The following PIK3C3 variants were observed in gnomAD, a reference collection of about 807,000 sequenced individuals.
PIK3C3 encodes the protein phosphatidylinositol 3-kinase catalytic subunit type 3, also known as PI3-kinase type 3.
PIK3C3 carries 95 observed loss-of-function variants against 126.1 expected under a neutral mutation model. The ratio of observed to expected loss-of-function variants is 0.75; its 90% CI spans 0.64 to 0.89. The LOEUF (loss-of-function observed/expected upper bound fraction) is 0.89. PIK3C3 is among the 40% of genes least tolerant of loss of function. PIK3C3 has a pLI of 0.00. For missense variants in PIK3C3, 829 were observed against 1,063.2 expected (o/e 0.78, Z 3.06); for synonymous variants, 374 against 360.0 (o/e 1.04, Z -0.44).
chr18:42,038,894 G>A (rs1361829410), intron 18 of PIK3C3, 44 bp downstream of exon 18: 1 of 1,240,626 alleles, frequency 8.1e-7, no homozygotes, highest in Non-Finnish European at 1.1e-6. Context: ...AGTGTACATT[G>A]TGTGTACTTT....
At chr18:42,012,474 G>A (rs1022394392) in intron 10 of PIK3C3, among the ~76,000 whole-genome samples, 1 of 152,104 alleles carries the variant, frequency 6.6e-6, no homozygotes, top group Admixed American at 6.6e-5. Flanking sequence ...AGTTTCAAGT[G>A]TCTAACAGGG....
intron 5 of PIK3C3, among the ~76,000 whole-genome samples, chr18:41,988,937 G>C (rs1981635021): frequency 6.6e-6 from 1 of 152,008 alleles, no homozygotes; most frequent in African/African-American, 2.4e-5. Context: ...GTTAGAGTTT[G>C]CCCAGCCTTT....
chr18:42,064,729 CTCT>C lies in PIK3C3; in HGVS notation c.2433-6_2433-4del. On this transcript the variant is annotated splice_polypyrimidine_tract_variant and splice_region_variant and intron_variant, in intron 22 of 24. Transcript: ENST00000262039. The stretch of plus-strand genomic sequence containing the variant: ...ATCGTTGCTATTTTTTTCTTTTCTG[CTCT>C]TCTTTAGGTATTCTAATCTGATTTT... 6 of 1,406,948 alleles carry C rather than the reference CTCT, an allele frequency of 4.3e-6. No homozygotes were observed. Among genetic ancestry groups the C allele is most frequent in the Non-Finnish European group, 6.0e-6 (6 of 997,944 alleles). The allele number at this position is 1,406,948 out of a possible 1,614,324, so 87.2% of individuals were successfully genotyped here.
At chr18:42,024,756 G>A (rs1983479686) in intron 13 of PIK3C3, among the ~76,000 whole-genome samples, 1 of 151,410 alleles carries the variant, frequency 6.6e-6, no homozygotes, top group Non-Finnish European at 1.5e-5. Context: ...TTTTTGAGAG[G>A]TGTTTGATAC....
chr18:41,993,230 TA>T, intron 6 of PIK3C3, 39 bp from the exon 7 acceptor site: 1 of 1,258,532 alleles, frequency 7.9e-7, no homozygotes, highest in Non-Finnish European at 1.2e-6. Context: ...CCTATTGTAT[TA>T]AATTTCTTTT....
intron 10 of PIK3C3, among the ~76,000 whole-genome samples, chr18:42,007,210 T>C (rs890807186): frequency 1.3e-5 from 2 of 152,202 alleles, no homozygotes; most frequent in Admixed American, 1.3e-4. Flanking sequence ...GTTATAATTA[T>C]TGAGCCAAAA....
intron 13 of PIK3C3, chr18:42,027,137 T>C (rs896890098): frequency 5.6e-6 from 1 of 177,162 alleles, no homozygotes; most frequent in African/African-American, 2.4e-5. Context: ...AGATGATTTC[T>C]GAGGATGTTA....
rs1023514351 is a variant in PIK3C3, at chr18:42,005,870, AT to A, written c.1170+1332del. ...ATTCATCTGTCTTCAGCAGTTGCCA[AT>A]TTATAACCAATCTTGTTTCATCTGT... On this transcript the variant is annotated intron_variant, in intron 10 of 24. Transcript: ENST00000262039. 5.3e-5 allele frequency among the ~76,000 whole-genome samples: 8 copies of A among 151,080 alleles called. 1 individual carries two copies. The highest frequency in any genetic ancestry group is 9.7e-5 in the African/African-American group (4 of 41,398).
intron 7 of PIK3C3, 83 bp downstream of exon 7, chr18:41,993,424 C>A: frequency 1.2e-6 from 1 of 854,018 alleles, no homozygotes; most frequent in Non-Finnish European, 1.9e-6. Flanking sequence ...TTTCTTTAAA[C>A]AAAGTAATAT....
intron 14 of PIK3C3, 110 bp downstream of exon 14, chr18:42,027,658 T>C: frequency 2.3e-6 from 1 of 438,358 alleles, no homozygotes; most frequent in Non-Finnish European, 4.0e-6. Flanking sequence ...TATTTATTTT[T>C]ATTTTTATTT....
intron 22 of PIK3C3, 60 bp downstream of exon 22, chr18:42,058,111 G>A (rs1985155501): frequency 7.0e-7 from 1 of 1,420,754 alleles, no homozygotes; most frequent in Non-Finnish European, 9.4e-7. Flanking sequence ...TATAGAACAA[G>A]AGAATTTGTT....
chr18:42,074,308 A>AT (rs1985891825), intron 24 of PIK3C3, among the ~76,000 whole-genome samples: 1 of 149,384 alleles, frequency 6.7e-6, no homozygotes, highest in East Asian at 2.0e-4. Flanking sequence ...AAGGAGAACT[A>AT]TCACACACAG....
chr18:41,961,278 G>A (rs1215887144), intron 2 of PIK3C3, among the ~76,000 whole-genome samples: 1 of 152,144 alleles, frequency 6.6e-6, no homozygotes, highest in African/African-American at 2.4e-5. Flanking sequence ...ACTTTAGCCA[G>A]TGTTAATTAA....
chr18:42,071,674 C>T (rs956027790), intron 24 of PIK3C3, among the ~76,000 whole-genome samples: 20 of 150,920 alleles, frequency 1.3e-4, no homozygotes, highest in Admixed American at 3.3e-4. Flanking sequence ...GAGCCAAGAT[C>T]ACTCCACTGC....
intron 18 of PIK3C3, among the ~76,000 whole-genome samples, chr18:42,040,019 A>G (rs1184429016): frequency 2.6e-5 from 4 of 152,064 alleles, no homozygotes; most frequent in Non-Finnish European, 4.4e-5. Flanking sequence ...CCAGATCATG[A>G]TAGTTTATGA....
chr18:42,006,987 C>A (rs1982579819), intron 10 of PIK3C3, among the ~76,000 whole-genome samples: 1 of 151,840 alleles, frequency 6.6e-6, no homozygotes, highest in South Asian at 2.1e-4. Flanking sequence ...CCTCAGCCTC[C>A]CAAGTAGCTG....
intron 18 of PIK3C3, among the ~76,000 whole-genome samples, chr18:42,039,881 C>A (rs949894762): frequency 6.6e-6 from 1 of 152,062 alleles, no homozygotes; most frequent in Non-Finnish European, 1.5e-5. Flanking sequence ...CAATAAATAC[C>A]TGTTAAGTGA....
rs151170036 is a variant in PIK3C3, at chr18:42,077,982, G to A, written c.2650-3141G>A. Reference sequence around the variant, plus strand: ...GGCATTAAAACAACATTAATCTTTTGGTATATTCCATCAGAGCTCTTGGAT... The same window carrying A: ...GGCATTAAAACAACATTAATCTTTTAGTATATTCCATCAGAGCTCTTGGAT... On this transcript the variant is annotated intron_variant, in intron 24 of 24. Transcript: ENST00000262039. Among the ~76,000 whole-genome samples, 1,458 of 152,174 alleles carry A rather than the reference G, an allele frequency of 9.6e-3. 16 individuals carry two copies. The highest frequency in any genetic ancestry group is 0.033 in the African/African-American group (1,387 of 41,530).
At position 41,987,859 on chromosome 18, in the gene PIK3C3, G is replaced by A; in HGVS notation, c.579G>A (p.Leu193=). The A allele has an allele frequency of 6.2e-7, 1 of 1,604,428 alleles. No homozygotes were observed. Among genetic ancestry groups the A allele is most frequent in the Non-Finnish European group, 8.5e-7 (1 of 1,174,248 alleles). ...GACACATGGTGAAAGTAGATTGGCT[G>A]GATAGATTGACATTTAGAGAAATAG... ...RQGHMVKVDW[L]DRLTFREIEM... Residue 193 remains leucine (L), a synonymous_variant, in exon 5 of 25, where the codon CTG becomes CTA. Coordinates refer to ENST00000262039, the MANE Select transcript of PIK3C3 (RefSeq NM_002647.4).
Sources: gnomAD v4.1 joint callset for allele counts (sites outside exome capture counted in the v4.1 genomes callset) on GRCh38, gnomAD v4.1.1 for gene constraint, MANE v1.5 for transcripts, NCBI Gene and HGNC (gene_info 2026-07-23, HGNC 2026-07-21) for gene names.